SERINC5: variants seen among roughly 807,000 people sequenced by gnomAD.
SERINC5 encodes serine incorporator 5.
Under a neutral mutation model 63.1 loss-of-function variants are expected in SERINC5, and 41 were observed. That is an observed-to-expected ratio of 0.65 (90% CI 0.51 to 0.84). The LOEUF (loss-of-function observed/expected upper bound fraction) is 0.84, where lower values mean the gene tolerates loss of function less well. Among genes scored for constraint, SERINC5 ranks in the 40% least tolerant of loss-of-function variants. The pLI is 0.00. For missense variants in SERINC5, 523 were observed against 573.0 expected, an observed-to-expected ratio of 0.91 and a Z score of 0.89; for synonymous variants, 222 against 215.2, an observed-to-expected ratio of 1.03 and a Z score of -0.28.
intron 7 of SERINC5, 68 bp from the exon 8 acceptor site, chr5:80,159,030 A>C: frequency 1.0e-5 from 16 of 1,570,148 alleles, no homozygotes; most frequent in Non-Finnish European, 1.3e-5. Flanking sequence ...AGAAGCACTC[A>C]TTTTGGGAAA....
chr5:80,212,657 T>TGGTGG (rs1479423225), intron 1 of SERINC5, among the ~76,000 whole-genome samples: 1 of 68,996 alleles, frequency 1.4e-5, no homozygotes, highest in Non-Finnish European at 3.0e-5. Flanking sequence ...AAAAGGGCAG[T>TGGTGG]GGTGGGGTGG....
chr5:80,149,120 C>A (rs1050570335), intron 9 of SERINC5, among the ~76,000 whole-genome samples: 2 of 152,212 alleles, frequency 1.3e-5, no homozygotes, highest in South Asian at 4.1e-4. Flanking sequence ...GAAGGAAACA[C>A]TCGGACATTT....
chr5:80,214,103 C>CA (rs1274150600), intron 1 of SERINC5, among the ~76,000 whole-genome samples: 2 of 152,128 alleles, frequency 1.3e-5, no homozygotes, highest in African/African-American at 4.8e-5. Flanking sequence ...ATAATACACC[C>CA]ACTGAAATGA....
At chr5:80,187,310 G>C (rs933002456) in intron 2 of SERINC5, among the ~76,000 whole-genome samples, 1 of 152,200 alleles carries the variant, frequency 6.6e-6, no homozygotes, top group African/African-American at 2.4e-5. Flanking sequence ...AACTAGATTT[G>C]CAAGTTCTGT....
chr5:80,127,640 A>G (rs1407015457), intron 11 of SERINC5, among the ~76,000 whole-genome samples: 1 of 152,118 alleles, frequency 6.6e-6, no homozygotes, highest in African/African-American at 2.4e-5. Context: ...TATTTTATAT[A>G]TTTAAATTAT....
At chr5:80,171,989 T>C (rs560942333) in intron 5 of SERINC5, among the ~76,000 whole-genome samples, 29 of 152,320 alleles carry the variant, frequency 1.9e-4, no homozygotes, top group South Asian at 1.7e-3. Context: ...CATATATGTA[T>C]CAAAACGTCA....
At chr5:80,216,252 G>A (rs547947368) in intron 1 of SERINC5, among the ~76,000 whole-genome samples, 19 of 152,180 alleles carry the variant, frequency 1.2e-4, no homozygotes, top group Admixed American at 7.2e-4. Context: ...GTTCAGCAGC[G>A]CCCCTCCCTG....
intron 1 of SERINC5, among the ~76,000 whole-genome samples, chr5:80,254,079 T>C (rs1752539373): frequency 1.3e-5 from 2 of 152,178 alleles, no homozygotes; most frequent in South Asian, 4.1e-4. Flanking sequence ...GCATGCGTCA[T>C]CACACCCGGC....
chr5:80,249,858 G>T (rs1752327757), intron 1 of SERINC5, among the ~76,000 whole-genome samples: 1 of 152,004 alleles, frequency 6.6e-6, no homozygotes, highest in Admixed American at 6.6e-5. Flanking sequence ...TGACTATAAA[G>T]CATCAAAATG....
At chr5:80,230,296 C>T (rs1580197550) in intron 1 of SERINC5, among the ~76,000 whole-genome samples, 1 of 151,976 alleles carries the variant, frequency 6.6e-6, no homozygotes, top group South Asian at 2.1e-4. Flanking sequence ...CATGGTGAAA[C>T]CCTGACTCTA....
intron 2 of SERINC5, among the ~76,000 whole-genome samples, chr5:80,198,228 A>C (rs2112478310): frequency 6.6e-6 from 1 of 152,318 alleles, no homozygotes; most frequent in East Asian, 1.9e-4. Context: ...TGACCTGCAA[A>C]ATAAATAGCC....
chr5:80,255,457 T>G (rs555839481), intron 1 of SERINC5, among the ~76,000 whole-genome samples: 3 of 152,256 alleles, frequency 2.0e-5, no homozygotes, highest in African/African-American at 7.2e-5. Flanking sequence ...CTGGGTTGTT[T>G]GACCCGAGTT....
intron 11 of SERINC5, among the ~76,000 whole-genome samples, chr5:80,115,067 A>C (rs1744279426): frequency 6.6e-6 from 1 of 152,006 alleles, no homozygotes; most frequent in South Asian, 2.1e-4. Flanking sequence ...TGATTAGGGA[A>C]AGTGGAGCCA....
intron 11 of SERINC5, chr5:80,114,537 C>A: frequency 5.3e-6 from 1 of 190,214 alleles, no homozygotes; most frequent in Non-Finnish European, 1.1e-5. Flanking sequence ...GCCTGTAACC[C>A]CAGCTACTTG....
At chr5:80,215,650 T>G (rs6863904) in intron 1 of SERINC5, among the ~76,000 whole-genome samples, 28,091 of 151,974 alleles carry the variant, frequency 0.18, 3,189 homozygotes, top group African/African-American at 0.32. Context: ...GTGGCAGCAG[T>G]ATTGTGGGGA....
intron 7 of SERINC5, among the ~76,000 whole-genome samples, chr5:80,161,467 T>A (rs968848404): frequency 1.3e-5 from 2 of 152,224 alleles, no homozygotes; most frequent in African/African-American, 4.8e-5. Context: ...AGCATTTTTT[T>A]CAAATGCCTG....
At chr5:80,224,171 A>T (rs1343932248) in intron 1 of SERINC5, among the ~76,000 whole-genome samples, 1 of 150,364 alleles carries the variant, frequency 6.7e-6, no homozygotes, top group African/African-American at 2.4e-5. Context: ...AAGAAAAGTC[A>T]GAAATGAATC....
At chr5:80,119,147 C>T (rs572735848) in intron 11 of SERINC5, among the ~76,000 whole-genome samples, 4 of 152,090 alleles carry the variant, frequency 2.6e-5, no homozygotes, top group Non-Finnish European at 5.9e-5. Context: ...GCCAATAATG[C>T]TATGTCCCGG....
intron 1 of SERINC5, among the ~76,000 whole-genome samples, chr5:80,253,869 T>A (rs1752531921): frequency 1.3e-5 from 2 of 152,218 alleles, no homozygotes; most frequent in African/African-American, 4.8e-5. Context: ...AAAAGGCAGG[T>A]GCCCACAGAA....
Sources: allele counts gnomAD v4.1 joint callset (sites outside exome capture counted in the v4.1 genomes callset), GRCh38; gene constraint gnomAD v4.1.1; transcripts MANE v1.5; gene names NCBI Gene and HGNC (gene_info 2026-07-23, HGNC 2026-07-21).